The following CLDN10 variants were observed in gnomAD, a reference collection of about 807,000 sequenced individuals.
CLDN10 encodes the protein claudin-10.
Under a neutral mutation model 22.9 loss-of-function variants are expected in CLDN10, and 15 were observed. That is an observed-to-expected ratio of 0.65 (90% CI 0.44 to 1.01). The LOEUF (loss-of-function observed/expected upper bound fraction) is 1.01, where lower values mean the gene tolerates loss of function less well. Ranked by LOEUF, CLDN10 falls within the 50% of genes least tolerant of loss-of-function variation. The pLI is 0.00. For missense variants in CLDN10, 247 were observed against 287.8 expected, an observed-to-expected ratio of 0.86 and a Z score of 1.03; for synonymous variants, 114 against 111.4, an observed-to-expected ratio of 1.02 and a Z score of -0.15.
chr13:95,483,698 G>A (rs896622782), intron 1 of CLDN10, among the ~76,000 whole-genome samples: 1 of 152,186 alleles, frequency 6.6e-6, no homozygotes, highest in Non-Finnish European at 1.5e-5. Flanking sequence ...AAGAGCTCTG[G>A]AGTTAGGTGG....
intron 1 of CLDN10, among the ~76,000 whole-genome samples, chr13:95,517,120 CTCTT>C (rs1315591523): frequency 6.8e-6 from 1 of 146,310 alleles, no homozygotes; most frequent in African/African-American, 2.5e-5. Flanking sequence ...CTCTTCCTTT[CTCTT>C]TCTTTCTCTC....
At chr13:95,524,325 A>G (rs1189679592) in intron 1 of CLDN10, among the ~76,000 whole-genome samples, 1 of 152,228 alleles carries the variant, frequency 6.6e-6, no homozygotes. Context: ...GATATACGTC[A>G]CATAAAATTT....
chr13:95,566,633 T>C (rs1015564554), intron 3 of CLDN10, among the ~76,000 whole-genome samples: 3 of 152,148 alleles, frequency 2.0e-5, no homozygotes, highest in African/African-American at 7.2e-5. Context: ...TAATTAGATC[T>C]CATTTGTCTA....
Position 95,552,728 on chromosome 13 carries a change from G to GAGCGAGCGCGGCTGCAGCCGGCGGCAT in CLDN10, c.-25_2dup, listed in dbSNP as rs770700030. On this transcript the variant is annotated 5_prime_UTR_variant, in exon 1 of 5. Coordinates refer to ENST00000299339, the MANE Select transcript of CLDN10 (RefSeq NM_006984.5). Reference sequence around the variant, plus strand: ...GTCGCGGCGCAGAGTGGGAGCCGGAGAGCGAGCGCGGCTGCAGCCGGCGGC... The same window carrying GAGCGAGCGCGGCTGCAGCCGGCGGCAT: ...GTCGCGGCGCAGAGTGGGAGCCGGAGAGCGAGCGCGGCTGCAGCCGGCGGCATAGCGAGCGCGGCTGCAGCCGGCGGC... 13 of 1,597,670 alleles carry GAGCGAGCGCGGCTGCAGCCGGCGGCAT rather than the reference G, an allele frequency of 8.1e-6. No homozygotes were observed. The highest frequency in any genetic ancestry group is 1.1e-5 in the Non-Finnish European group (13 of 1,172,910).
intron 1 of CLDN10, among the ~76,000 whole-genome samples, chr13:95,461,802 A>G (rs1407854086): frequency 6.6e-6 from 1 of 152,212 alleles, no homozygotes; most frequent in Non-Finnish European, 1.5e-5. Flanking sequence ...GTTCTTAATG[A>G]AACACTTGAT....
chr13:95,531,296 C>G (rs1594591784), intron 1 of CLDN10, among the ~76,000 whole-genome samples: 1 of 152,104 alleles, frequency 6.6e-6, no homozygotes, highest in Non-Finnish European at 1.5e-5. Flanking sequence ...TTTTATTTTG[C>G]ATTTTCAAGG....
At chr13:95,433,800 G>A (rs1361588416) in exon 1 of CLDN10, 1 of 1,610,396 alleles carries the variant, frequency 6.2e-7, no homozygotes, top group Non-Finnish European at 8.5e-7. Flanking sequence ...AAAGCGTTCT[G>A]ACCGGACAGT....
chr13:95,509,611 G>A (rs2043074482), intron 1 of CLDN10, among the ~76,000 whole-genome samples: 1 of 152,216 alleles, frequency 6.6e-6, no homozygotes, highest in Admixed American at 6.5e-5. Flanking sequence ...TTAGGTGTCA[G>A]ACCGAATATA....
chr13:95,552,783 C>T lies in CLDN10; in HGVS notation c.30C>T (p.Ala10=). 1 of 1,613,628 alleles carries T rather than the reference C, an allele frequency of 6.2e-7. No individual in the cohort carries two copies. Among genetic ancestry groups the T allele is most frequent in the South Asian group, 1.1e-5 (1 of 91,062 alleles). ...CTAGCACGGCTTCGGAGATCATCGC[C>T]TTCATGGTCTCCATCTCAGGCTGGG... MASTASEII[A]FMVSISGWVL... The change falls in exon 1 of 5, where the codon GCC becomes GCT. Residue 10 remains alanine (A), a synonymous_variant. Transcript: ENST00000299339.
At chr13:95,526,102 T>C (rs1009705362) in intron 1 of CLDN10, among the ~76,000 whole-genome samples, 2 of 152,206 alleles carry the variant, frequency 1.3e-5, no homozygotes, top group Non-Finnish European at 2.9e-5. Context: ...TCAACTATGG[T>C]TTTTTTAATT....
chr13:95,449,921 T>G (rs974162309), intron 1 of CLDN10, among the ~76,000 whole-genome samples: 5 of 152,044 alleles, frequency 3.3e-5, no homozygotes, highest in African/African-American at 9.7e-5. Flanking sequence ...TTTTTTGTAT[T>G]TTTAGTAGAG....
intron 1 of CLDN10, among the ~76,000 whole-genome samples, chr13:95,462,301 A>G (rs2042543308): frequency 1.3e-5 from 2 of 152,316 alleles, no homozygotes; most frequent in South Asian, 2.1e-4. Flanking sequence ...TTGCCTTTCA[A>G]TACTACATTG....
chr13:95,471,358 A>ATATG (rs1555289776), intron 1 of CLDN10, among the ~76,000 whole-genome samples: 1 of 144,098 alleles, frequency 6.9e-6, no homozygotes, highest in Admixed American at 6.9e-5. Flanking sequence ...ATGGATATAT[A>ATATG]TGTGTGTGTG....
At chr13:95,576,586 A>C (rs1000541770) in intron 3 of CLDN10, among the ~76,000 whole-genome samples, 1 of 152,166 alleles carries the variant, frequency 6.6e-6, no homozygotes, top group Non-Finnish European at 1.5e-5. Context: ...TTTTGTCCTC[A>C]GTAGCACTGT....
At chr13:95,561,764 CT>C (rs201890987) in intron 3 of CLDN10, among the ~76,000 whole-genome samples, 1,576 of 135,236 alleles carry the variant, frequency 0.012, 14 homozygotes, top group East Asian at 0.027. Flanking sequence ...TTCTTTCGTC[CT>C]TTTTTTTTTT....
intron 1 of CLDN10, among the ~76,000 whole-genome samples, chr13:95,450,962 A>G (rs2042427094): frequency 6.6e-6 from 1 of 152,160 alleles, no homozygotes; most frequent in Non-Finnish European, 1.5e-5. Context: ...CTATCACCTC[A>G]CTTGGTTCCC....
chr13:95,496,508 A>AC (rs2042931548), intron 1 of CLDN10, among the ~76,000 whole-genome samples: 1 of 152,192 alleles, frequency 6.6e-6, no homozygotes, highest in Non-Finnish European at 1.5e-5. Context: ...ATTACAAAAT[A>AC]CCATAGACTG....
intron 1 of CLDN10, among the ~76,000 whole-genome samples, chr13:95,500,361 C>G (rs4466958): frequency 0.42 from 63,496 of 152,006 alleles, 14,512 homozygotes; most frequent in Non-Finnish European, 0.5. Flanking sequence ...GGCCTCAATG[C>G]CTCAAAGGAG....
At chr13:95,576,590 G>A (rs1385158671) in intron 3 of CLDN10, among the ~76,000 whole-genome samples, 1 of 152,106 alleles carries the variant, frequency 6.6e-6, no homozygotes, top group Non-Finnish European at 1.5e-5. Flanking sequence ...GTCCTCAGTA[G>A]CACTGTTCAT....
Sources: gnomAD v4.1 joint callset for allele counts (sites outside exome capture counted in the v4.1 genomes callset) on GRCh38, gnomAD v4.1.1 for gene constraint, MANE v1.5 for transcripts, NCBI Gene and HGNC (gene_info 2026-07-23, HGNC 2026-07-21) for gene names.